MUC5AC: variants seen among roughly 807,000 people sequenced by gnomAD.
MUC5AC encodes the protein mucin-5AC.
A neutral mutation model predicts 169.7 loss-of-function variants in MUC5AC; 158 were observed. That is an observed-to-expected ratio of 0.93 (90% confidence interval 0.82 to 1.06). The LOEUF (loss-of-function observed/expected upper bound fraction) is 1.06, where lower values mean the gene tolerates loss of function less well. Among genes scored for constraint, MUC5AC ranks in the 50% least tolerant of loss-of-function variants. The pLI is 0.00. For missense variants in MUC5AC, 4,359 were observed against 3,089.9 expected (o/e 1.41, Z -9.74); for synonymous variants, 1,975 against 1,237.0 (o/e 1.60, Z -12.52).
chr11:1,186,501 A>G lies in MUC5AC; in HGVS notation c.8356A>G (p.Thr2786Ala). Reference protein sequence around the residue: ...TTTSTISAPTTSTTLSPTTST... With the variant: ...TTTSTISAPTASTTLSPTTST... ...AACCAGCACAATCTCTGCCCCTACAACCAGCACAACTTTGTCTCCTACAAC... is the reference window on the plus strand; with the variant it reads ...AACCAGCACAATCTCTGCCCCTACAGCCAGCACAACTTTGTCTCCTACAAC... Residue 2786 changes from threonine to alanine, a missense_variant, in exon 31 of 49, where the codon ACC becomes GCC. Transcript: ENST00000621226. 1 of 695,418 alleles carries G rather than the reference A, an allele frequency of 1.4e-6. No individual in the cohort carries two copies. Among genetic ancestry groups the G allele is most frequent in the Non-Finnish European group, 2.6e-6 (1 of 380,878 alleles). 43.1% of individuals were successfully genotyped at this position (695,418 alleles called of 1,614,324 possible). A position where few individuals can be genotyped will look rare whatever the true frequency, so the allele number is the denominator to read the frequency against.
At chr11:1,175,171 C>T (rs1394350419) in intron 18 of MUC5AC, 34 bp downstream of exon 18, 2 of 398,462 alleles carry the variant, frequency 5.0e-6, no homozygotes, top group East Asian at 7.1e-5. Flanking sequence ...GGGGGTCCCT[C>T]GTGTCTCCTG....
chr11:1,163,833 G>C (rs758939554), intron 6 of MUC5AC, 49 bp from the exon 7 acceptor site: 4 of 1,456,840 alleles, frequency 2.7e-6, no homozygotes, highest in Non-Finnish European at 3.8e-6. Context: ...GTGCTGGGCT[G>C]ACGGGTACCG....
In MUC5AC at chr11:1,177,459, C is replaced by A. The variant is rs939980804; in HGVS notation, c.2913C>A (p.Phe971Leu). Residue 971 changes from phenylalanine to leucine, a missense_variant, in exon 24 of 49, where the codon TTC (phenylalanine) becomes TTA (leucine). Transcript: ENST00000621226. ...SKAIKIFLGG[F>L]ELKLSHGKVE... ...AGTGACCCCTTGCCATGCAGGGCTT[C>A]GAGCTGAAGCTAAGCCATGGGAAGG... 1 of 399,024 alleles carries A rather than the reference C, an allele frequency of 2.5e-6. No homozygotes were observed. Among genetic ancestry groups the A allele is most frequent in the South Asian group, 1.3e-4 (1 of 7,866 alleles). 24.7% of individuals were successfully genotyped at this position (399,024 alleles called of 1,614,324 possible).
At position 1,180,170 on chromosome 11, in the gene MUC5AC, A is replaced by AG. The variant is rs1208780897; in HGVS notation, c.3613+23dup. On this transcript the variant is annotated intron_variant, in intron 27 of 48. Coordinates refer to ENST00000621226, the MANE Select transcript of MUC5AC (RefSeq NM_001304359.2). ...TGGAAGGTGGGCTGGGGCCGGTCGG[A>AG]GGGTGGCCTGGGCTCCGCCGCCTGT... is the stretch of plus-strand genomic sequence containing the variant. 398,426 of 398,440 alleles carry AG rather than the reference A, an allele frequency of 1. 199,207 individuals are homozygous for AG. Among genetic ancestry groups the AG allele is most frequent in the Middle Eastern group, 1 (1,594 of 1,594 alleles). 24.7% of individuals were successfully genotyped at this position (398,440 alleles called of 1,614,324 possible).
At chr11:1,160,548 G>GGCCGCA in intron 1 of MUC5AC, 64 bp from the exon 2 acceptor site, 1 of 1,406,220 alleles carries the variant, frequency 7.1e-7, no homozygotes, top group East Asian at 2.4e-5. Context: ...CTGCATCTGT[G>GGCCGCA]GCCGCAGCCT....
chr11:1,187,642 T>G lies in MUC5AC; in HGVS notation c.9497T>G (p.Phe3166Cys). Residue 3166 changes from phenylalanine (F) to cysteine (C), a missense_variant, in exon 31 of 49, where the codon TTT becomes TGT. Transcript: ENST00000621226. ...CCTGTTCCCACCACCAGCACAATCT[T>G]TGCTCCTAGAACCAGCACCACTTCT... is the stretch of plus-strand genomic sequence containing the variant. ...PSPVPTTSTIFAPRTSTTSAS... is the reference protein window; with the variant it reads ...PSPVPTTSTICAPRTSTTSAS... 1.4e-6 allele frequency: 1 copy of G among 718,076 alleles called. No individual in the cohort carries two copies. Among genetic ancestry groups the G allele is most frequent in the Non-Finnish European group, 2.5e-6 (1 of 397,506 alleles). 44.5% of individuals were successfully genotyped at this position (718,076 alleles called of 1,614,324 possible).
chr11:1,172,829 TTCACTCACTCACCCAC>T (rs1346338123), intron 16 of MUC5AC, among the ~76,000 whole-genome samples: 61 of 131,872 alleles, frequency 4.6e-4, no homozygotes, highest in Non-Finnish European at 8.0e-4. Context: ...CACTCACCCA[TTCACTCACTCACCCAC>T]TCATCCACCC....
In MUC5AC at chr11:1,195,298, G is replaced by T; in HGVS notation, c.15458+19G>T. On this transcript the variant is annotated intron_variant, in intron 36 of 48. Coordinates refer to ENST00000621226, the MANE Select transcript of MUC5AC (RefSeq NM_001304359.2). ...TGAGCAAGTGAGACTTGGGTGCAAG[G>T]GAGGGAGGGTCAGTGTGGCCGCCCC... 1 of 753,504 alleles carries T rather than the reference G, an allele frequency of 1.3e-6. No homozygotes were observed. Among genetic ancestry groups the T allele is most frequent in the South Asian group, 1.3e-5 (1 of 74,424 alleles). The allele number at this position is 753,504 out of a possible 1,614,324, so 46.7% of individuals were successfully genotyped here.
At position 1,186,037 on chromosome 11, in the gene MUC5AC, G is replaced by T. The variant is rs1860935403; in HGVS notation, c.7892G>T (p.Gly2631Val). ...GCCACTACAACCAGCAGAATCTCTGGTCCTGAAACTACTCCCAGCCCTGTT... is the reference window on the plus strand; with the variant it reads ...GCCACTACAACCAGCAGAATCTCTGTTCCTGAAACTACTCCCAGCCCTGTT... ...TSATTTSRIS[G>V]PETTPSPVPT... Residue 2631 changes from glycine (G) to valine (V), a missense_variant, in exon 31 of 49, where the codon GGT (glycine) becomes GTT (valine). Physicochemically the swap from Gly to Val is moderately radical, Grantham distance 109 (BLOSUM62 -3). Transcript: ENST00000621226. 1 of 711,132 alleles carries T rather than the reference G, an allele frequency of 1.4e-6. No individual in the cohort carries two copies. The highest frequency in any genetic ancestry group is 1.9e-5 in the African/African-American group (1 of 51,836). 44.1% of individuals were successfully genotyped at this position (711,132 alleles called of 1,614,324 possible). A position where few individuals can be genotyped will look rare whatever the true frequency, so the allele number is the denominator to read the frequency against.
Position 1,183,419 on chromosome 11 carries a change from G to A in MUC5AC, c.5274G>A (p.Pro1758=), listed in dbSNP as rs1423777733. The change falls in exon 31 of 49, where the codon CCG becomes CCA. Residue 1758 remains proline (P), a synonymous_variant. Coordinates refer to ENST00000621226, the MANE Select transcript of MUC5AC (RefSeq NM_001304359.2). ...CAAAGTGGTTCGACGTGGACTTCCCGTCCCCCGGACCCCATGGTGGAGACA... is the reference window on the plus strand; with the variant it reads ...CAAAGTGGTTCGACGTGGACTTCCCATCCCCCGGACCCCATGGTGGAGACA... ...TWTKWFDVDF[P]SPGPHGGDKE... is the part of the protein sequence containing the mutation. 3.6e-4 allele frequency: 233 copies of A among 640,666 alleles called. 1 individual carries two copies. The highest frequency in any genetic ancestry group is 2.6e-4 in the Non-Finnish European group (95 of 363,142). 39.7% of individuals were successfully genotyped at this position (640,666 alleles called of 1,614,324 possible). A position where few individuals can be genotyped will look rare whatever the true frequency, so the allele number is the denominator to read the frequency against.
chr11:1,178,298 C>T lies in MUC5AC; in HGVS notation c.3088-146C>T, dbSNP rs1203049479. On this transcript the variant is annotated intron_variant, in intron 24 of 48. Coordinates refer to ENST00000621226, the MANE Select transcript of MUC5AC (RefSeq NM_001304359.2). ...TGGAGGTGGGAAGGAGGAAGCAGCA[C>T]CTGTGGTCGCTGTTGGCCACCTGGG... 2.0e-5 allele frequency: 8 copies of T among 399,046 alleles called. 1 individual carries two copies. Among genetic ancestry groups the T allele is most frequent in the Middle Eastern group, 1.2e-3 (2 of 1,616 alleles). 24.7% of individuals were successfully genotyped at this position (399,046 alleles called of 1,614,324 possible). A position where few individuals can be genotyped will look rare whatever the true frequency, so the allele number is the denominator to read the frequency against.
At position 1,192,499 on chromosome 11, in the gene MUC5AC, A is replaced by G. The variant is rs779558140; in HGVS notation, c.14354A>G (p.Asn4785Ser). ...VAYSTQTCFCNVADRLYPAGS... is the reference protein window; with the variant it reads ...VAYSTQTCFCSVADRLYPAGS... ...TACTCCACCCAAACCTGCTTCTGCAACGTGGCTGACCGGCTCTACCCTGCA... is the reference window on the plus strand; with the variant it reads ...TACTCCACCCAAACCTGCTTCTGCAGCGTGGCTGACCGGCTCTACCCTGCA... Residue 4785 changes from asparagine to serine, a missense_variant, in exon 31 of 49, where the codon AAC becomes AGC. By Grantham distance (46) the Asn-to-Ser change is conservative (BLOSUM62 1). Transcript: ENST00000621226. 1.3e-5 allele frequency: 10 copies of G among 765,060 alleles called. 1 individual carries two copies. The East Asian group carries it at 2.4e-4, about 19-fold the overall frequency. The allele number at this position is 765,060 out of a possible 1,614,324, so 47.4% of individuals were successfully genotyped here.
At chr11:1,162,493 A>T in intron 4 of MUC5AC, 39 bp from the exon 5 acceptor site, 1 of 1,573,256 alleles carries the variant, frequency 6.4e-7, no homozygotes, top group East Asian at 2.2e-5. Context: ...GTCTCTCCTC[A>T]CTGCGCTCCC....
rs373493471 is a variant in MUC5AC at position 1,169,060 on chromosome 11, C to T, written c.1870+34C>T. Reference sequence around the variant, plus strand: ...GTCCACGGCTCGCCTCTGTGCTGGCCGCCTGGCGCTGGTTCACCCGCTTCC... The same window carrying T: ...GTCCACGGCTCGCCTCTGTGCTGGCTGCCTGGCGCTGGTTCACCCGCTTCC... On this transcript the variant is annotated intron_variant, in intron 15 of 48. Transcript: ENST00000621226. The T allele has an allele frequency of 4.4e-4, 673 of 1,512,674 alleles. 3 individuals carry two copies. The African/African-American group carries it at 8.5e-3, about 19-fold the overall frequency. 93.7% of individuals were successfully genotyped at this position (1,512,674 alleles called of 1,614,324 possible).
chr11:1,182,162 C>T lies in MUC5AC; in HGVS notation c.4017C>T (p.Ser1339=). The part of the protein sequence containing the change: ...FSFSTPPLVV[S]STHTPSNGPS... ...CTTCTCTTCTGCCCACAGTCGTGAG[C>T]TCCACGCACACCCCCAGCAATGGCC... The change falls in exon 31 of 49, where the codon AGC becomes AGT. Residue 1339 remains serine, a synonymous_variant. Transcript: ENST00000621226. 1 of 398,640 alleles carries T rather than the reference C, an allele frequency of 2.5e-6. No individual in the cohort carries two copies. The highest frequency in any genetic ancestry group is 3.6e-5 in the East Asian group (1 of 28,056). 24.7% of individuals were successfully genotyped at this position (398,640 alleles called of 1,614,324 possible). A position where few individuals can be genotyped will look rare whatever the true frequency, so the allele number is the denominator to read the frequency against.
chr11:1,191,584 C>T lies in MUC5AC; in HGVS notation c.13439C>T (p.Thr4480Ile). 3 of 745,080 alleles carry T rather than the reference C, an allele frequency of 4.0e-6. No individual in the cohort carries two copies. Among genetic ancestry groups the T allele is most frequent in the Non-Finnish European group, 7.3e-6 (3 of 409,570 alleles). The allele number at this position is 745,080 out of a possible 1,614,324, so 46.2% of individuals were successfully genotyped here. ...ITSMTSGPGTTPSPVPTTSTT... is the reference protein window; with the variant it reads ...ITSMTSGPGTIPSPVPTTSTT... ...AGCATGACCTCTGGTCCTGGAACTA[C>T]TCCCAGCCCTGTTCCCACCACCAGC... Residue 4480 changes from threonine to isoleucine, a missense_variant, in exon 31 of 49, where the codon ACT (threonine) becomes ATT (isoleucine). Transcript: ENST00000621226.
chr11:1,179,975 C>T (rs1452056458), intron 26 of MUC5AC, 47 bp from the exon 27 acceptor site: 12 of 398,522 alleles, frequency 3.0e-5, no homozygotes, highest in Middle Eastern at 6.3e-4. Flanking sequence ...GGGGCCTCTG[C>T]GAGTGAGTTC....
At chr11:1,177,765 G>A (rs907456937) in intron 24 of MUC5AC, 132 bp downstream of exon 24, 3 of 393,766 alleles carry the variant, frequency 7.6e-6, no homozygotes, top group Admixed American at 4.5e-5. Flanking sequence ...GGTGGGAAGT[G>A]GGGGGGACGG....
In MUC5AC at chr11:1,188,928, G is replaced by A. The variant is rs1861018125; in HGVS notation, c.10783G>A (p.Val3595Met). 3 of 750,838 alleles carry A rather than the reference G, an allele frequency of 4.0e-6. No homozygotes were observed. The East Asian group carries it at 7.3e-5, about 18-fold the overall frequency. The allele number at this position is 750,838 out of a possible 1,614,324, so 46.5% of individuals were successfully genotyped here. The change falls in exon 31 of 49, where the codon GTG becomes ATG. Residue 3595 changes from valine to methionine, a missense_variant. Coordinates refer to ENST00000621226, the MANE Select transcript of MUC5AC (RefSeq NM_001304359.2). ...GCAGTGCAGCCGCGAAGAGGGCCTG[G>A]TGTGCCGGAACCAGGACCAGCAGGG... ...VVQCSREEGL[V>M]CRNQDQQGPF...
Sources: gnomAD v4.1 joint callset for allele counts (sites outside exome capture counted in the v4.1 genomes callset) on GRCh38, gnomAD v4.1.1 for gene constraint, MANE v1.5 for transcripts, NCBI Gene and HGNC (gene_info 2026-07-23, HGNC 2026-07-21) for gene names.